OCA2: variants seen among roughly 807,000 people sequenced by gnomAD.
OCA2 encodes P protein.
Under a neutral mutation model 100.2 loss-of-function variants are expected in OCA2, and 77 were observed. The observed-to-expected ratio is 0.77, with a 90% CI of 0.64 to 0.93. The LOEUF (loss-of-function observed/expected upper bound fraction) is 0.93, where lower values mean the gene tolerates loss of function less well. OCA2 is among the 40% of genes least tolerant of loss of function. The pLI, the probability that OCA2 is intolerant of heterozygous loss-of-function variation, is 0.00. For missense variants in OCA2, 1,062 were observed against 1,089.1 expected (o/e 0.98, Z 0.35); for synonymous variants, 432 against 439.2 (o/e 0.98, Z 0.21).
the OCA2 span, among the ~76,000 whole-genome samples, chr15:27,747,444 G>C: frequency 6.6e-6 from 1 of 152,190 alleles, no homozygotes; most frequent in African/African-American, 2.4e-5. Context: ...TCAGCCAACA[G>C]TTTCAAGATC....
At chr15:28,024,781 C>T (rs762432776) in intron 5 of OCA2, 64 bp downstream of exon 5, 1 of 1,561,856 alleles carries the variant, frequency 6.4e-7, no homozygotes, top group Admixed American at 1.7e-5. Context: ...CCCTGCTATA[C>T]AGCCAAAGGC....
At chr15:27,800,720 T>C (rs1315915166) in intron 23 of OCA2, among the ~76,000 whole-genome samples, 2 of 152,026 alleles carry the variant, frequency 1.3e-5, no homozygotes, top group African/African-American at 4.8e-5. Flanking sequence ...ATCTCAGCAC[T>C]TTGGGAGGCC....
At chr15:27,831,142 T>C (rs924763545) in intron 23 of OCA2, among the ~76,000 whole-genome samples, 6 of 151,840 alleles carry the variant, frequency 4.0e-5, no homozygotes, top group Admixed American at 2.6e-4. Context: ...AAAAATTAGC[T>C]GGCTGTGGTG....
chr15:27,974,627 G>T lies in OCA2; in HGVS notation c.1504-7805C>A, dbSNP rs555269765. Among the ~76,000 whole-genome samples the T allele has an allele frequency of 2.9e-4, 44 of 152,258 alleles. 1 individual carries two copies. The highest frequency in any genetic ancestry group is 2.5e-3 in the Admixed American group (38 of 15,288). On this transcript the variant is annotated intron_variant, in intron 14 of 23. Coordinates refer to ENST00000354638, the MANE Select transcript of OCA2 (RefSeq NM_000275.3). ...TACTAAAAATATAAAAATTAGCCAG[G>T]CGTGGTGGTATGCACCTGTAATCCC...
At chr15:27,976,897 T>C (rs890686232) in intron 14 of OCA2, among the ~76,000 whole-genome samples, 1 of 149,974 alleles carries the variant, frequency 6.7e-6, no homozygotes, top group African/African-American at 2.4e-5. Context: ...ATGTTTGTTT[T>C]GTTCTTTGTG....
intron 18 of OCA2, among the ~76,000 whole-genome samples, chr15:27,937,617 C>T (rs2039503583): frequency 6.6e-6 from 1 of 152,156 alleles, no homozygotes; most frequent in African/African-American, 2.4e-5. Context: ...AATGGCATCT[C>T]GTTGTGGTTA....
At chr15:27,879,178 C>T (rs1206726081) in intron 19 of OCA2, among the ~76,000 whole-genome samples, 3 of 152,170 alleles carry the variant, frequency 2.0e-5, no homozygotes, top group Admixed American at 1.3e-4. Context: ...CTTAAAAGGA[C>T]ATGACCTTGT....
chr15:27,971,062 G>A (rs184894424), intron 14 of OCA2, among the ~76,000 whole-genome samples: 3 of 151,466 alleles, frequency 2.0e-5, no homozygotes, highest in African/African-American at 7.3e-5. Context: ...AGCACAGTAT[G>A]GCAGGAAAGC....
chr15:28,095,961 C>A (rs1001239873), intron 1 of OCA2, among the ~76,000 whole-genome samples: 1 of 152,196 alleles, frequency 6.6e-6, no homozygotes, highest in South Asian at 2.1e-4. Flanking sequence ...CGCTGCTCAG[C>A]CCCAAGGCGT....
chr15:27,954,134 CACACACACACACACACACACACACA>C lies in OCA2; in HGVS notation c.1842+999_1842+1023del, dbSNP rs1567150361. 3.1e-3 allele frequency among the ~76,000 whole-genome samples: 458 copies of C among 146,736 alleles called. 5 individuals are homozygous for C. Among genetic ancestry groups the C allele is most frequent in the African/African-American group, 0.011 (436 of 38,928 alleles). ...CATGGCATACACACACACACACACACACACACACACACACACACACACACACCTAGGGTCATTTCTGTAAGAATTC... is the reference window on the plus strand; with the variant it reads ...CATGGCATACACACACACACACACACCCTAGGGTCATTTCTGTAAGAATTC... On this transcript the variant is annotated intron_variant, in intron 17 of 23. Coordinates refer to ENST00000354638, the MANE Select transcript of OCA2 (RefSeq NM_000275.3).
intron 18 of OCA2, among the ~76,000 whole-genome samples, chr15:27,941,041 CTCTTGGTCCCAATATT>C (rs2039629547): frequency 6.6e-6 from 1 of 152,208 alleles, no homozygotes; most frequent in Non-Finnish European, 1.5e-5. Context: ...AAGGAAGAAT[CTCTTGGTCCCAATATT>C]TCTAATAATT....
At chr15:27,921,003 T>TAA (rs60106620) in intron 19 of OCA2, among the ~76,000 whole-genome samples, 1 of 151,610 alleles carries the variant, frequency 6.6e-6, no homozygotes, top group East Asian at 1.9e-4. Context: ...TAATTTTTTT[T>TAA]AAAAAAAGAG....
At chr15:28,054,299 A>T (rs1165360037) in intron 2 of OCA2, among the ~76,000 whole-genome samples, 1 of 152,152 alleles carries the variant, frequency 6.6e-6, no homozygotes, top group East Asian at 1.9e-4. Context: ...CACATGTATA[A>T]CTGTGTGGGT....
intron 2 of OCA2, among the ~76,000 whole-genome samples, chr15:28,049,308 T>TA (rs1193888455): frequency 6.6e-6 from 1 of 152,008 alleles, no homozygotes; most frequent in Admixed American, 6.5e-5. Context: ...ATGGCTAGAA[T>TA]AAAAAAAGGA....
At chr15:28,035,141 CTG>C (rs1037362075) in intron 2 of OCA2, among the ~76,000 whole-genome samples, 1 of 152,190 alleles carries the variant, frequency 6.6e-6, no homozygotes, top group Non-Finnish European at 1.5e-5. Flanking sequence ...TTTATCTTCT[CTG>C]TGGTGGCCAC....
chr15:27,922,680 G>GGGGT (rs1555432611), intron 19 of OCA2, among the ~76,000 whole-genome samples: 5 of 147,112 alleles, frequency 3.4e-5, no homozygotes, highest in African/African-American at 1.2e-4. Context: ...TTTTGTTTGG[G>GGGGT]GTGTGTGTGT....
At chr15:27,902,755 G>C (rs1230482637) in intron 19 of OCA2, among the ~76,000 whole-genome samples, 1 of 152,206 alleles carries the variant, frequency 6.6e-6, no homozygotes, top group East Asian at 1.9e-4. Context: ...CTGGGGGCGG[G>C]ATGGCCACAG....
chr15:27,901,764 T>C (rs995231493), intron 19 of OCA2, among the ~76,000 whole-genome samples: 5 of 152,214 alleles, frequency 3.3e-5, no homozygotes, highest in Admixed American at 2.6e-4. Flanking sequence ...TAAATGATGA[T>C]ACAGAAATAC....
At chr15:27,858,964 C>T (rs1232780565) in intron 21 of OCA2, among the ~76,000 whole-genome samples, 1 of 151,814 alleles carries the variant, frequency 6.6e-6, no homozygotes, top group African/African-American at 2.4e-5. Flanking sequence ...AATCAGAAAA[C>T]ACCTAAGACA....
Sources: gnomAD v4.1 joint callset for allele counts (sites outside exome capture counted in the v4.1 genomes callset) on GRCh38, gnomAD v4.1.1 for gene constraint, MANE v1.5 for transcripts, NCBI Gene and HGNC (gene_info 2026-07-23, HGNC 2026-07-21) for gene names.